The following PDSS2 variants were observed in gnomAD, a reference collection of about 807,000 sequenced individuals.
PDSS2 encodes all trans-polyprenyl-diphosphate synthase PDSS2.
In PDSS2, 31 loss-of-function variants were observed where a neutral mutation model predicts 44.5. That is an observed-to-expected ratio of 0.70 (90% CI 0.52 to 0.94). The LOEUF (loss-of-function observed/expected upper bound fraction) is 0.94, where lower values mean the gene tolerates loss of function less well. Among genes scored for constraint, PDSS2 ranks in the 40% least tolerant of loss-of-function variants. PDSS2 has a pLI of 0.00. For missense variants in PDSS2, 452 were observed against 482.2 expected, an observed-to-expected ratio of 0.94 and a Z score of 0.59; for synonymous variants, 157 against 180.3, an observed-to-expected ratio of 0.87 and a Z score of 1.03.
At chr6:107,363,908 C>T (rs1778869729) in intron 1 of PDSS2, among the ~76,000 whole-genome samples, 2 of 152,184 alleles carry the variant, frequency 1.3e-5, no homozygotes, top group Non-Finnish European at 2.9e-5. Flanking sequence ...TCGATTGGTG[C>T]ACTCACAAAC....
At chr6:107,163,404 C>A (rs1277222636) in intron 7 of PDSS2, among the ~76,000 whole-genome samples, 2 of 152,134 alleles carry the variant, frequency 1.3e-5, no homozygotes, top group Non-Finnish European at 2.9e-5. Context: ...AAATGCCCAC[C>A]AGTAATGACT....
At chr6:107,389,494 T>A (rs189342629) in intron 1 of PDSS2, among the ~76,000 whole-genome samples, 73 of 152,292 alleles carry the variant, frequency 4.8e-4, no homozygotes, top group East Asian at 1.7e-3. Flanking sequence ...GCTTTACATG[T>A]ATACTACAGT....
intron 2 of PDSS2, among the ~76,000 whole-genome samples, chr6:107,306,589 G>A (rs946129222): frequency 3.3e-5 from 5 of 152,066 alleles, no homozygotes; most frequent in Admixed American, 1.3e-4. Flanking sequence ...AGGTAGTACT[G>A]AATAATCAGA....
At chr6:107,274,570 AG>A (rs2114946245) in intron 2 of PDSS2, among the ~76,000 whole-genome samples, 1 of 152,226 alleles carries the variant, frequency 6.6e-6, no homozygotes, top group South Asian at 2.1e-4. Flanking sequence ...AAAATTTCTA[AG>A]ACTCCTTAGT....
chr6:107,162,610 A>ATTTTTTTTTCTTTT (rs1554246877), intron 7 of PDSS2, among the ~76,000 whole-genome samples: 2 of 115,552 alleles, frequency 1.7e-5, no homozygotes, highest in African/African-American at 7.0e-5. Context: ...GAATTCCCTA[A>ATTTTTTTTTCTTTT]TTTTTTTTTT....
intron 7 of PDSS2, 117 bp from the exon 8 acceptor site, chr6:107,154,894 T>C: frequency 1.1e-6 from 1 of 889,760 alleles, no homozygotes; most frequent in Non-Finnish European, 1.8e-6. Context: ...ATAGATTGAG[T>C]ATTTCTGCTA....
At chr6:107,175,214 G>GAAA (rs35268855) in intron 7 of PDSS2, among the ~76,000 whole-genome samples, 1 of 140,480 alleles carries the variant, frequency 7.1e-6, no homozygotes. Flanking sequence ...TCCATCTCAG[G>GAAA]AAAAAAAAAA....
At chr6:107,225,094 C>T (rs1468995812) in intron 4 of PDSS2, among the ~76,000 whole-genome samples, 3 of 138,808 alleles carry the variant, frequency 2.2e-5, no homozygotes, top group Non-Finnish European at 4.5e-5. Flanking sequence ...AGAGTAAGAA[C>T]ACACCCAAGA....
In PDSS2 at chr6:107,293,942, C is replaced by T. The variant is rs76742257; in HGVS notation, c.432-19715G>A. ...TAGTGACAGGACCAACGCCAACTGC[C>T]AGGCATTGAGTTCTGAATTGCTTCA... On this transcript the variant is annotated intron_variant, in intron 2 of 7. Transcript: ENST00000369037. Among the ~76,000 whole-genome samples, 1,275 of 152,224 alleles carry T rather than the reference C, an allele frequency of 8.4e-3. 13 individuals carry two copies. Among genetic ancestry groups the T allele is most frequent in the African/African-American group, 0.027 (1,118 of 41,518 alleles).
At chr6:107,422,670 T>C (rs1780863481) in intron 1 of PDSS2, among the ~76,000 whole-genome samples, 1 of 152,086 alleles carries the variant, frequency 6.6e-6, no homozygotes, top group South Asian at 2.1e-4. Context: ...CAATTCTCTA[T>C]ATACTGTTGA....
intron 6 of PDSS2, among the ~76,000 whole-genome samples, chr6:107,205,885 ACCT>A (rs1375307763): frequency 6.6e-6 from 1 of 152,106 alleles, no homozygotes; most frequent in East Asian, 1.9e-4. Context: ...AGAGTATGTC[ACCT>A]CCTGGCTTCC....
chr6:107,184,014 CA>C (rs576035895), intron 7 of PDSS2, among the ~76,000 whole-genome samples: 31 of 152,080 alleles, frequency 2.0e-4, no homozygotes, highest in African/African-American at 7.2e-4. Context: ...CAAAACAAAA[CA>C]AAACAAAGCA....
chr6:107,453,342 G>C (rs1781936242), intron 1 of PDSS2, among the ~76,000 whole-genome samples: 1 of 152,042 alleles, frequency 6.6e-6, no homozygotes, highest in African/African-American at 2.4e-5. Flanking sequence ...AGTGGACATT[G>C]ATTTCACAAA....
intron 1 of PDSS2, among the ~76,000 whole-genome samples, chr6:107,436,129 CT>C (rs1181768076): frequency 3.9e-5 from 6 of 152,180 alleles, no homozygotes; most frequent in Non-Finnish European, 8.8e-5. Flanking sequence ...AGTATAGCTA[CT>C]TTTGGGAAAA....
intron 1 of PDSS2, among the ~76,000 whole-genome samples, chr6:107,434,773 A>G (rs1781297061): frequency 6.6e-6 from 1 of 152,338 alleles, no homozygotes; most frequent in South Asian, 2.1e-4. Context: ...TCACAAAGAA[A>G]TAACAAATGC....
At chr6:107,296,918 G>C (rs1260149996) in intron 2 of PDSS2, among the ~76,000 whole-genome samples, 1 of 152,094 alleles carries the variant, frequency 6.6e-6, no homozygotes, top group Admixed American at 6.6e-5. Flanking sequence ...TTTGAAACTA[G>C]AGAAAAATAC....
intron 7 of PDSS2, among the ~76,000 whole-genome samples, chr6:107,162,252 C>T (rs1771160276): frequency 6.6e-6 from 1 of 152,018 alleles, no homozygotes; most frequent in Admixed American, 6.6e-5. Flanking sequence ...AATCCCAGCA[C>T]TTGGGAGGCC....
At chr6:107,358,759 G>T (rs2114258107) in intron 1 of PDSS2, among the ~76,000 whole-genome samples, 1 of 152,188 alleles carries the variant, frequency 6.6e-6, no homozygotes, top group South Asian at 2.1e-4. Context: ...GTTGGGAGGG[G>T]CTGCGCATTA....
chr6:107,263,840 G>A (rs914909333), intron 3 of PDSS2, among the ~76,000 whole-genome samples: 2 of 152,094 alleles, frequency 1.3e-5, no homozygotes, highest in African/African-American at 4.8e-5. Context: ...TTTTATGATG[G>A]CATTTTGACT....
Sources: allele counts gnomAD v4.1 joint callset (sites outside exome capture counted in the v4.1 genomes callset), GRCh38; gene constraint gnomAD v4.1.1; transcripts MANE v1.5; gene names NCBI Gene and HGNC (gene_info 2026-07-23, HGNC 2026-07-21).